COA1: variants seen among roughly 807,000 people sequenced by gnomAD.
The protein encoded by COA1 is cytochrome c oxidase assembly factor 1.
In COA1, 13 loss-of-function variants were observed where a neutral mutation model predicts 16.0. The ratio of observed to expected loss-of-function variants is 0.81; its 90% CI spans 0.53 to 1.29. The LOEUF is 1.29. COA1 is among the 50% of genes most tolerant of loss of function. The probability of loss-of-function intolerance (pLI) is 0.00; values close to 1 mark genes in which losing one functional copy is unlikely to be tolerated. For synonymous variants in COA1, 65 were observed against 65.7 expected, an observed-to-expected ratio of 0.99 and a Z score of 0.05; for missense variants, 179 against 177.0, an observed-to-expected ratio of 1.01 and a Z score of -0.06.
At chr7:43,666,280 C>T (rs151048552) in intron 1 of COA1, among the ~76,000 whole-genome samples, 6 of 152,288 alleles carry the variant, frequency 3.9e-5, no homozygotes, top group South Asian at 2.1e-4. Flanking sequence ...ACTGTTTATA[C>T]GGACCCAAGA....
downstream of COA1, among the ~76,000 whole-genome samples, chr7:43,635,261 T>G (rs907556774): frequency 1.2e-4 from 19 of 152,174 alleles, no homozygotes; most frequent in African/African-American, 3.9e-4. Context: ...TGTCTTAGGT[T>G]AAAATAATTC....
At chr7:43,661,049 C>A (rs1245119161) in intron 1 of COA1, among the ~76,000 whole-genome samples, 1 of 152,188 alleles carries the variant, frequency 6.6e-6, no homozygotes, top group African/African-American at 2.4e-5. Context: ...ACCCTAACCA[C>A]CCTTTAAGTC....
intron 1 of COA1, among the ~76,000 whole-genome samples, chr7:43,698,047 G>A (rs144726634): frequency 1.2e-3 from 183 of 152,262 alleles, no homozygotes; most frequent in African/African-American, 4.2e-3. Context: ...ACCAGAAAGC[G>A]CCTATGTTAG....
At chr7:43,670,230 C>T (rs2093171821) in intron 1 of COA1, among the ~76,000 whole-genome samples, 1 of 152,128 alleles carries the variant, frequency 6.6e-6, no homozygotes, top group African/African-American at 2.4e-5. Context: ...AGAAGGATCA[C>T]TTGAGATCAG....
intron 6 of COA1, among the ~76,000 whole-genome samples, chr7:43,629,610 C>A (rs2084967553): frequency 6.6e-6 from 1 of 152,156 alleles, no homozygotes; most frequent in Non-Finnish European, 1.5e-5. Flanking sequence ...CTAACCAGAA[C>A]TATGTTATAA....
chr7:43,680,518 A>C (rs949064162), intron 1 of COA1, among the ~76,000 whole-genome samples: 1 of 152,240 alleles, frequency 6.6e-6, no homozygotes, highest in South Asian at 2.1e-4. Flanking sequence ...ACTGACTTCT[A>C]TATCATTAGA....
chr7:43,708,410 G>A (rs928948512), intron 1 of COA1, among the ~76,000 whole-genome samples: 19 of 137,636 alleles, frequency 1.4e-4, no homozygotes, highest in African/African-American at 3.2e-4. Flanking sequence ...GCAGTGAGCC[G>A]AGATCGTACC....
chr7:43,678,440 A>G (rs1019260755), intron 1 of COA1, among the ~76,000 whole-genome samples: 6 of 152,228 alleles, frequency 3.9e-5, no homozygotes, highest in Non-Finnish European at 7.3e-5. Flanking sequence ...CTTGGATATG[A>G]TATCAAAAGC....
At chr7:43,621,989 C>A (rs1338113846) in intron 6 of COA1, among the ~76,000 whole-genome samples, 1 of 152,116 alleles carries the variant, frequency 6.6e-6, no homozygotes, top group Non-Finnish European at 1.5e-5. Context: ...TCTCTTTATA[C>A]CTCAGATTCC....
At chr7:43,617,419 A>G (rs1364032635) in intron 6 of COA1, among the ~76,000 whole-genome samples, 1 of 152,228 alleles carries the variant, frequency 6.6e-6, no homozygotes, top group Non-Finnish European at 1.5e-5. Context: ...GAAATAGGCA[A>G]AGTCTAGAAA....
At chr7:43,634,548 G>C (rs987258994), downstream of COA1, among the ~76,000 whole-genome samples, 2 of 152,216 alleles carry the variant, frequency 1.3e-5, no homozygotes, top group African/African-American at 4.8e-5. Flanking sequence ...CACTATGGGG[G>C]TGGGCCTCAT....
intron 1 of COA1, among the ~76,000 whole-genome samples, chr7:43,669,335 G>C (rs980905801): frequency 1.3e-5 from 2 of 152,144 alleles, no homozygotes; most frequent in Admixed American, 1.3e-4. Context: ...CCAGCTCTTA[G>C]AGCCGAGTCA....
intron 6 of COA1, among the ~76,000 whole-genome samples, chr7:43,616,012 T>C (rs1187927873): frequency 6.6e-6 from 1 of 152,154 alleles, no homozygotes; most frequent in East Asian, 1.9e-4. Flanking sequence ...ACCTGAGGTG[T>C]ACTTATTTGT....
intron 1 of COA1, among the ~76,000 whole-genome samples, chr7:43,708,263 A>T (rs2095075972): frequency 1.3e-5 from 2 of 152,208 alleles, no homozygotes; most frequent in South Asian, 4.1e-4. Context: ...AATTCAAGAC[A>T]AATCTGGGCA....
chr7:43,656,365 A>C (rs1055061003), intron 1 of COA1, among the ~76,000 whole-genome samples: 1 of 152,260 alleles, frequency 6.6e-6, no homozygotes, highest in South Asian at 2.1e-4. Flanking sequence ...CATTCAAACA[A>C]ACACAAGGAG....
chr7:43,674,193 A>T (rs2093406383), intron 1 of COA1, among the ~76,000 whole-genome samples: 1 of 152,194 alleles, frequency 6.6e-6, no homozygotes, highest in African/African-American at 2.4e-5. Context: ...TCCTAAGTAG[A>T]ATTTTTAAGT....
chr7:43,711,249 TAC>T (rs1025909995), intron 1 of COA1, among the ~76,000 whole-genome samples: 1 of 152,010 alleles, frequency 6.6e-6, no homozygotes, highest in Non-Finnish European at 1.5e-5. Context: ...TTTCCATATA[TAC>T]ATATATAAGA....
chr7:43,694,550 C>T (rs1028374131), intron 1 of COA1, among the ~76,000 whole-genome samples: 2 of 152,194 alleles, frequency 1.3e-5, no homozygotes, highest in African/African-American at 2.4e-5. Context: ...GCTGAGCAGT[C>T]CTTTCTTTGA....
At chr7:43,687,846 T>C (rs923976494) in intron 1 of COA1, among the ~76,000 whole-genome samples, 1 of 152,152 alleles carries the variant, frequency 6.6e-6, no homozygotes, top group Non-Finnish European at 1.5e-5. Context: ...CAGGCAGTGA[T>C]ATGGTTTGGC....
Sources: gnomAD v4.1 joint callset for allele counts (sites outside exome capture counted in the v4.1 genomes callset) on GRCh38, gnomAD v4.1.1 for gene constraint, MANE v1.5 for transcripts, NCBI Gene and HGNC (gene_info 2026-07-23, HGNC 2026-07-21) for gene names.